Variants in PCDHGA11 observed in about 807,000 individuals in gnomAD.
PCDHGA11 encodes protocadherin gamma subfamily A, 11, also known as protocadherin gamma-A11.
PCDHGA11 carries 39 observed loss-of-function variants against 60.4 expected under a neutral mutation model. The observed-to-expected ratio is 0.65, with a 90% CI of 0.50 to 0.84. The LOEUF (loss-of-function observed/expected upper bound fraction) is 0.84. Among genes scored for constraint, PCDHGA11 ranks in the 40% least tolerant of loss-of-function variants. PCDHGA11 has a pLI of 0.00. For synonymous variants in PCDHGA11, 533 were observed against 510.3 expected (o/e 1.04, Z -0.60); for missense variants, 1,165 against 1,197.7 (o/e 0.97, Z 0.40).
chr5:141,476,157 G>A lies in PCDHGA11; in HGVS notation c.2434-18650G>A. On this transcript the variant is annotated intron_variant, in intron 1 of 3. Transcript: ENST00000398587. The surrounding 1 kb of genome is among the most constrained non-coding windows in gnomAD (Gnocchi z 7.6). ...TGGAGGAGCGGACTGGTAAGCACCG[G>A]GAGGGTAGTGGGAGTTTTGCTTCTG... 1 of 1,612,752 alleles carries A rather than the reference G, an allele frequency of 6.2e-7. No homozygotes were observed. Among genetic ancestry groups the A allele is most frequent in the Non-Finnish European group, 8.5e-7 (1 of 1,179,898 alleles).
rs2154591305 is a variant in PCDHGA11, at chr5:141,493,879, G to A, written c.2434-928G>A. Among the ~76,000 whole-genome samples the A allele has an allele frequency of 6.6e-6, 1 of 152,288 alleles. No homozygotes were observed. The highest frequency in any genetic ancestry group is 6.5e-5 in the Admixed American group (1 of 15,302). ...CCCACCCCAGAACCAGTGAGGAGGT[G>A]GCTCTAGGAGTGCTCCATGAGAGTG... On this transcript the variant is annotated intron_variant, in intron 1 of 3. Coordinates refer to ENST00000398587, the MANE Select transcript of PCDHGA11 (RefSeq NM_018914.3). This position sits in a 1 kb window ranked among gnomAD's most constrained non-coding sequence, Gnocchi z 4.3.
At chr5:141,445,808 T>A (rs1004030960) in intron 1 of PCDHGA11, among the ~76,000 whole-genome samples, 1 of 152,182 alleles carries the variant, frequency 6.6e-6, no homozygotes, top group Non-Finnish European at 1.5e-5. Flanking sequence ...AATAAATAGA[T>A]GAAACTAATA....
chr5:141,453,050 C>A (rs2098754757), intron 1 of PCDHGA11, among the ~76,000 whole-genome samples: 3 of 152,006 alleles, frequency 2.0e-5, no homozygotes, highest in Non-Finnish European at 4.4e-5. Context: ...CTATTATGTG[C>A]AGTTTTAGAG....
chr5:141,429,651 C>G (rs62379161), intron 1 of PCDHGA11, among the ~76,000 whole-genome samples: 5,146 of 152,188 alleles, frequency 0.034, 101 homozygotes, highest in Middle Eastern at 0.088. Context: ...TATTTCTTCC[C>G]AATTTAAAAT....
intron 3 of PCDHGA11, among the ~76,000 whole-genome samples, chr5:141,509,429 T>G (rs2099876771): frequency 6.6e-6 from 1 of 151,964 alleles, no homozygotes; most frequent in Non-Finnish European, 1.5e-5. Context: ...TGAGTCAAAC[T>G]CTTGTTTCCT....
intron 1 of PCDHGA11, among the ~76,000 whole-genome samples, chr5:141,483,689 G>A (rs1234666254): frequency 6.6e-6 from 1 of 152,022 alleles, no homozygotes; most frequent in Non-Finnish European, 1.5e-5. Flanking sequence ...CAGAAAGCCA[G>A]ATTCCTCTTT....
chr5:141,489,211 A>G lies in PCDHGA11; in HGVS notation c.2434-5596A>G, dbSNP rs1206929838. On this transcript the variant is annotated intron_variant, in intron 1 of 3. Coordinates refer to ENST00000398587, the MANE Select transcript of PCDHGA11 (RefSeq NM_018914.3). This position sits in a 1 kb window ranked among gnomAD's most constrained non-coding sequence, Gnocchi z 4.5. The stretch of plus-strand genomic sequence containing the variant: ...CTACCTTGGAGACAGGACAGCACAG[A>G]CTTACTCTCCACAAAGGGACTTCTG... 2 of 1,462,498 alleles carry G rather than the reference A, an allele frequency of 1.4e-6. No individual in the cohort carries two copies. Among genetic ancestry groups the G allele is most frequent in the Non-Finnish European group, 1.8e-6 (2 of 1,081,560 alleles). The allele number at this position is 1,462,498 out of a possible 1,614,324, so 90.6% of individuals were successfully genotyped here. A position where few individuals can be genotyped will look rare whatever the true frequency, so the allele number is the denominator to read the frequency against.
chr5:141,500,520 T>A (rs2099801106), intron 2 of PCDHGA11, among the ~76,000 whole-genome samples: 1 of 152,194 alleles, frequency 6.6e-6, no homozygotes, highest in South Asian at 2.1e-4. Context: ...AGCTTCATTT[T>A]AAAAAAATCT....
At chr5:141,495,804 T>G (rs894259635) in intron 2 of PCDHGA11, among the ~76,000 whole-genome samples, 1 of 152,168 alleles carries the variant, frequency 6.6e-6, no homozygotes, top group South Asian at 2.1e-4. Flanking sequence ...TTTCACCGTT[T>G]CCTAGCGCCT....
At chr5:141,465,833 T>A (rs2099110537) in intron 1 of PCDHGA11, among the ~76,000 whole-genome samples, 1 of 152,002 alleles carries the variant, frequency 6.6e-6, no homozygotes, top group Non-Finnish European at 1.5e-5. Context: ...GTTTAAAATT[T>A]CAACTGAGGC....
intron 2 of PCDHGA11, among the ~76,000 whole-genome samples, chr5:141,502,135 G>A (rs1254187943): frequency 6.6e-6 from 1 of 152,154 alleles, no homozygotes; most frequent in East Asian, 1.9e-4. Context: ...GAGCTCAGTC[G>A]GGCCGGAAGT....
chr5:141,477,835 T>G lies in PCDHGA11; in HGVS notation c.2434-16972T>G. ...CCCAGGTCCTATATCCTCGGCCAGG[T>G]GGGAGCTCGGTGGAGATGCTGCCTC... On this transcript the variant is annotated intron_variant, in intron 1 of 3. Coordinates refer to ENST00000398587, the MANE Select transcript of PCDHGA11 (RefSeq NM_018914.3). This position sits in a 1 kb window ranked among gnomAD's most constrained non-coding sequence, Gnocchi z 4.9. The G allele has an allele frequency of 6.2e-7, 1 of 1,614,090 alleles. No individual in the cohort carries two copies. Among genetic ancestry groups the G allele is most frequent in the South Asian group, 1.1e-5 (1 of 91,072 alleles).
chr5:141,426,364 G>C (rs918838005), intron 1 of PCDHGA11: 1 of 202,328 alleles, frequency 4.9e-6, no homozygotes, highest in Non-Finnish European at 1.0e-5. Flanking sequence ...TTTGTTCTGC[G>C]GGGCACCCTC....
intron 1 of PCDHGA11, chr5:141,428,275 G>A (rs566455986): frequency 6.5e-6 from 5 of 767,218 alleles, no homozygotes; most frequent in African/African-American, 3.4e-5. Context: ...TGTGCCCTCT[G>A]ATTCCCAAGC....
At chr5:141,451,926 T>G (rs994841982) in intron 1 of PCDHGA11, among the ~76,000 whole-genome samples, 5 of 151,122 alleles carry the variant, frequency 3.3e-5, no homozygotes, top group Non-Finnish European at 7.4e-5. Context: ...GGAAGGGAGG[T>G]AGGGAGGCAG....
chr5:141,485,814 CT>C lies in PCDHGA11; in HGVS notation c.2434-8992del, dbSNP rs2099619658. On this transcript the variant is annotated intron_variant, in intron 1 of 3. Transcript: ENST00000398587. The surrounding 1 kb of genome is among the most constrained non-coding windows in gnomAD (Gnocchi z 5.7). ...TCGGACTACCGCCTGGTGCTGACTGCTGTCGATGGAGGGAACCCGCCGAGAT... is the reference window on the plus strand; with the variant it reads ...TCGGACTACCGCCTGGTGCTGACTGCGTCGATGGAGGGAACCCGCCGAGAT... The C allele has an allele frequency of 6.2e-7, 1 of 1,613,864 alleles. No individual in the cohort carries two copies. Among genetic ancestry groups the C allele is most frequent in the Non-Finnish European group, 8.5e-7 (1 of 1,179,990 alleles).
At chr5:141,437,939 T>C (rs1055613655) in intron 1 of PCDHGA11, among the ~76,000 whole-genome samples, 3 of 152,152 alleles carry the variant, frequency 2.0e-5, no homozygotes, top group African/African-American at 7.2e-5. Flanking sequence ...GGTTTCACCA[T>C]ATTGGCCAGA....
chr5:141,500,216 ATT>A (rs1562194139), intron 2 of PCDHGA11, among the ~76,000 whole-genome samples: 8 of 149,244 alleles, frequency 5.4e-5, no homozygotes, highest in African/African-American at 2.0e-4. Flanking sequence ...TTATTTATTT[ATT>A]TATTTATTGA....
chr5:141,489,088 G>GCCAA lies in PCDHGA11; in HGVS notation c.2434-5719_2434-5718insCCAA. The GCCAA allele has an allele frequency of 2.9e-6, 1 of 347,240 alleles. No individual in the cohort carries two copies. Among genetic ancestry groups the GCCAA allele is most frequent in the Non-Finnish European group, 5.0e-6 (1 of 200,708 alleles). The allele number at this position is 347,240 out of a possible 1,614,324, so 21.5% of individuals were successfully genotyped here. A position where few individuals can be genotyped will look rare whatever the true frequency, so the allele number is the denominator to read the frequency against. ...CCCCTGCCCACCCCCGCCACTCGGT[G>GCCAA]ACTAAGAACTGCTGCAAGCAGGCAA... On this transcript the variant is annotated intron_variant, in intron 1 of 3. Transcript: ENST00000398587. This position sits in a 1 kb window ranked among gnomAD's most constrained non-coding sequence, Gnocchi z 4.5.
Sources: gnomAD v4.1 joint callset for allele counts (sites outside exome capture counted in the v4.1 genomes callset) on GRCh38, gnomAD v4.1.1 for gene constraint, Gnocchi (gnomAD v3.1) non-coding constraint, MANE v1.5 for transcripts, NCBI Gene and HGNC (gene_info 2026-07-23, HGNC 2026-07-21) for gene names.